Variants in CCSER1 observed in about 807,000 individuals in gnomAD.
CCSER1 encodes the protein coiled-coil serine rich protein 1.
In CCSER1, 41 loss-of-function variants were observed where a neutral mutation model predicts 82.0. That is an observed-to-expected ratio of 0.50 (90% CI 0.39 to 0.65). The LOEUF (loss-of-function observed/expected upper bound fraction) is 0.65. Among genes scored for constraint, CCSER1 ranks in the 30% least tolerant of loss-of-function variants. The pLI is 0.00. For synonymous variants in CCSER1, 414 were observed against 383.9 expected (o/e 1.08, Z -0.92); for missense variants, 1,119 against 1,064.2 (o/e 1.05, Z -0.72).
chr4:91,167,494 A>G (rs1424099710), intron 10 of CCSER1, among the ~76,000 whole-genome samples: 1 of 152,188 alleles, frequency 6.6e-6, no homozygotes, highest in Non-Finnish European at 1.5e-5. Flanking sequence ...AAGAATTGCA[A>G]TACTTAAACT....
chr4:91,565,696 A>G (rs538780110), intron 10 of CCSER1, among the ~76,000 whole-genome samples: 3 of 152,062 alleles, frequency 2.0e-5, no homozygotes, highest in African/African-American at 4.8e-5. Flanking sequence ...TATGGCTCTC[A>G]GTTTGGCTGT....
chr4:90,733,674 C>G (rs1315127509), intron 7 of CCSER1, among the ~76,000 whole-genome samples: 2 of 152,112 alleles, frequency 1.3e-5, no homozygotes, highest in Admixed American at 1.3e-4. Flanking sequence ...ATTTAAGTCT[C>G]TAATCCATTT....
intron 7 of CCSER1, chr4:90,724,635 A>G: frequency 2.7e-6 from 1 of 375,080 alleles, no homozygotes; most frequent in Non-Finnish European, 5.2e-6. Context: ...GTACTGGGGT[A>G]TTTAGATATT....
intron 1 of CCSER1, among the ~76,000 whole-genome samples, chr4:90,252,076 AGG>A (rs1722500240): frequency 6.6e-6 from 1 of 151,916 alleles, no homozygotes; most frequent in Non-Finnish European, 1.5e-5. Flanking sequence ...TTTTAAATAC[AGG>A]TTGAGTATCC....
intron 1 of CCSER1, among the ~76,000 whole-genome samples, chr4:90,307,691 C>G (rs1734562790): frequency 6.6e-6 from 1 of 151,620 alleles, no homozygotes; most frequent in Non-Finnish European, 1.5e-5. Context: ...TAGCCATTGG[C>G]TTTTCTTTGA....
intron 1 of CCSER1, among the ~76,000 whole-genome samples, chr4:90,264,524 AGAG>A (rs1356883615): frequency 8.5e-5 from 13 of 152,180 alleles, no homozygotes; most frequent in Non-Finnish European, 1.5e-5. Flanking sequence ...CAAACTAACA[AGAG>A]AAGAACTGAC....
chr4:91,487,064 A>G (rs1703992966), intron 10 of CCSER1, among the ~76,000 whole-genome samples: 1 of 152,120 alleles, frequency 6.6e-6, no homozygotes, highest in South Asian at 2.1e-4. Flanking sequence ...ATAGGCCATT[A>G]TTAAAGAAAC....
intron 6 of CCSER1, among the ~76,000 whole-genome samples, chr4:90,695,758 T>C (rs1006639025): frequency 1.7e-4 from 26 of 152,080 alleles, no homozygotes; most frequent in African/African-American, 6.0e-4. Context: ...CAAATATTTA[T>C]ATTTTAATAC....
chr4:90,274,199 A>G (rs1727112341), intron 1 of CCSER1, among the ~76,000 whole-genome samples: 1 of 152,122 alleles, frequency 6.6e-6, no homozygotes, highest in African/African-American at 2.4e-5. Flanking sequence ...CTTGGGGTAG[A>G]GCTTTACCCA....
Position 91,124,255 on chromosome 4 carries a change from A to G in CCSER1, c.2217+38261A>G, listed in dbSNP as rs544282489. On this transcript the variant is annotated intron_variant, in intron 10 of 10. Coordinates refer to ENST00000509176, the MANE Select transcript of CCSER1 (RefSeq NM_001145065.2). ...TCAAATATTGTCATTAGTTCTCTTTAGAAGAGAGTTACATCTGTGCAACCA... is the reference window on the plus strand; with the variant it reads ...TCAAATATTGTCATTAGTTCTCTTTGGAAGAGAGTTACATCTGTGCAACCA... Among the ~76,000 whole-genome samples the G allele has an allele frequency of 8.6e-5, 13 of 151,948 alleles. No individual in the cohort carries two copies. The South Asian group carries it at 2.5e-3, about 29-fold the overall frequency.
chr4:90,230,259 A>G (rs1744187210), intron 1 of CCSER1, among the ~76,000 whole-genome samples: 1 of 152,202 alleles, frequency 6.6e-6, no homozygotes, highest in African/African-American at 2.4e-5. Flanking sequence ...AACAGAAATT[A>G]TAACAAACTG....
At chr4:90,258,071 C>A (rs1285714455) in intron 1 of CCSER1, among the ~76,000 whole-genome samples, 1 of 152,168 alleles carries the variant, frequency 6.6e-6, no homozygotes, top group Non-Finnish European at 1.5e-5. Flanking sequence ...TAGCTGTTAA[C>A]TCCAATCATT....
At chr4:90,240,711 T>C (rs1173872107) in intron 1 of CCSER1, among the ~76,000 whole-genome samples, 1 of 152,246 alleles carries the variant, frequency 6.6e-6, no homozygotes, top group Non-Finnish European at 1.5e-5. Flanking sequence ...ATAGCTAATA[T>C]TGTGGCAAAA....
At chr4:91,562,237 C>T (rs1762686625) in intron 10 of CCSER1, among the ~76,000 whole-genome samples, 1 of 151,310 alleles carries the variant, frequency 6.6e-6, no homozygotes, top group Non-Finnish European at 1.5e-5. Flanking sequence ...TTTCATGAGA[C>T]ATATTGAAGT....
chr4:91,224,240 T>G (rs907990950), intron 10 of CCSER1, among the ~76,000 whole-genome samples: 1 of 152,122 alleles, frequency 6.6e-6, no homozygotes, highest in Non-Finnish European at 1.5e-5. Context: ...CTTTATCTAC[T>G]GTGCTGCTTA....
At chr4:91,515,455 G>A (rs1379205759) in intron 10 of CCSER1, among the ~76,000 whole-genome samples, 1 of 152,158 alleles carries the variant, frequency 6.6e-6, no homozygotes, top group Non-Finnish European at 1.5e-5. Flanking sequence ...ACAACAGGCA[G>A]TATTTGGTTC....
chr4:91,525,304 G>A (rs549135789), intron 10 of CCSER1, among the ~76,000 whole-genome samples: 1 of 152,262 alleles, frequency 6.6e-6, no homozygotes, highest in East Asian at 1.9e-4. Context: ...CTGGAAGGAA[G>A]ATCCTTAAGA....
In CCSER1 at chr4:90,971,219, G is replaced by A. The variant is rs552538630; in HGVS notation, c.2172+47772G>A. The stretch of plus-strand genomic sequence containing the variant: ...TCACAGTTCCACAGGCTGTACAGGA[G>A]GCATGGCTAGGGAGGCCTCAGGAAA... On this transcript the variant is annotated intron_variant, in intron 9 of 10. Coordinates refer to ENST00000509176, the MANE Select transcript of CCSER1 (RefSeq NM_001145065.2). Among the ~76,000 whole-genome samples the A allele has an allele frequency of 2.6e-5, 4 of 151,970 alleles. No individual in the cohort carries two copies. The East Asian group carries it at 5.8e-4, about 22-fold the overall frequency.
At chr4:90,285,819 A>G (rs778920026) in intron 1 of CCSER1, among the ~76,000 whole-genome samples, 1 of 151,946 alleles carries the variant, frequency 6.6e-6, no homozygotes, top group Non-Finnish European at 1.5e-5. Context: ...TGTTCCTTTC[A>G]CACTGTTGAG....
Sources: allele counts gnomAD v4.1 joint callset (sites outside exome capture counted in the v4.1 genomes callset), GRCh38; gene constraint gnomAD v4.1.1; transcripts MANE v1.5; gene names NCBI Gene and HGNC (gene_info 2026-07-23, HGNC 2026-07-21).